Variants in CNTN4 observed in about 807,000 individuals in gnomAD.
CNTN4 encodes contactin-4.
In CNTN4, 77 loss-of-function variants were observed where a neutral mutation model predicts 122.5. That is an observed-to-expected ratio of 0.63 (90% CI 0.52 to 0.76). The LOEUF (loss-of-function observed/expected upper bound fraction) is 0.76, where lower values mean the gene tolerates loss of function less well. CNTN4 is among the 30% of genes least tolerant of loss of function. The pLI, the probability that CNTN4 is intolerant of heterozygous loss-of-function variation, is 0.00. For missense variants in CNTN4, 1,256 were observed against 1,259.1 expected, an observed-to-expected ratio of 1.00 and a Z score of 0.04; for synonymous variants, 512 against 447.0, an observed-to-expected ratio of 1.15 and a Z score of -1.83.
chr3:2,850,928 G>C (rs1387182678), intron 7 of CNTN4, among the ~76,000 whole-genome samples: 2 of 152,120 alleles, frequency 1.3e-5, no homozygotes, highest in Non-Finnish European at 2.9e-5. Flanking sequence ...AGTTGCTGTA[G>C]CAACTAGAAA....
At chr3:2,886,513 CT>C (rs200813621) in intron 9 of CNTN4, among the ~76,000 whole-genome samples, 309 of 136,818 alleles carry the variant, frequency 2.3e-3, no homozygotes, top group African/African-American at 5.2e-3. Flanking sequence ...AGATAGATCA[CT>C]TTTTTTTTTT....
chr3:2,995,800 A>G (rs1167282131), intron 14 of CNTN4, among the ~76,000 whole-genome samples: 2 of 152,160 alleles, frequency 1.3e-5, no homozygotes, highest in Non-Finnish European at 2.9e-5. Flanking sequence ...AGGGATAGAA[A>G]TTGCAATAGA....
chr3:2,671,042 A>C (rs1342999607), intron 4 of CNTN4, among the ~76,000 whole-genome samples: 1 of 151,970 alleles, frequency 6.6e-6, no homozygotes, highest in Non-Finnish European at 1.5e-5. Flanking sequence ...CCTTCATTTC[A>C]ACTTTGGTGA....
intron 6 of CNTN4, among the ~76,000 whole-genome samples, chr3:2,795,115 T>G (rs1342692642): frequency 3.3e-5 from 5 of 152,352 alleles, no homozygotes; most frequent in Non-Finnish European, 5.9e-5. Context: ...TCTGTAAGTT[T>G]TATTATGGTC....
chr3:2,321,712 A>G (rs920121313), intron 2 of CNTN4, among the ~76,000 whole-genome samples: 1 of 152,028 alleles, frequency 6.6e-6, no homozygotes, highest in African/African-American at 2.4e-5. Flanking sequence ...AAACAATTGA[A>G]TTAATACATG....
chr3:2,741,576 C>T (rs186659297), intron 5 of CNTN4, among the ~76,000 whole-genome samples: 368 of 152,300 alleles, frequency 2.4e-3, no homozygotes, highest in South Asian at 9.1e-3. Context: ...TGAATAGTTA[C>T]TCTCCCTAGA....
intron 2 of CNTN4, among the ~76,000 whole-genome samples, chr3:2,258,655 C>T (rs2040697555): frequency 6.6e-6 from 1 of 152,108 alleles, no homozygotes; most frequent in South Asian, 2.1e-4. Flanking sequence ...AATTGCAAAT[C>T]CTGTATTCAA....
rs563128732 is a variant in CNTN4 at position 2,295,970 on chromosome 3, C to T, written c.-144-43208C>T. Among the ~76,000 whole-genome samples, 4 of 152,172 alleles carry T rather than the reference C, an allele frequency of 2.6e-5. No homozygotes were observed. In the East Asian group the frequency reaches 7.7e-4, roughly 29 times the overall value. On this transcript the variant is annotated intron_variant, in intron 2 of 24. Coordinates refer to ENST00000418658, the MANE Select transcript of CNTN4 (RefSeq NM_175607.3). ...CATTTCTTGTTTTTATCAGGTTTGT[C>T]AAAGATCAGATAGTTGTAGATATGC... is the stretch of plus-strand genomic sequence containing the variant.
intron 2 of CNTN4, among the ~76,000 whole-genome samples, chr3:2,236,870 A>C (rs1156371196): frequency 6.6e-6 from 1 of 152,218 alleles, no homozygotes; most frequent in African/African-American, 2.4e-5. Context: ...AAGTAGGGAG[A>C]TAGAATGAGT....
At chr3:2,693,024 C>G (rs2085828081) in intron 4 of CNTN4, among the ~76,000 whole-genome samples, 1 of 152,046 alleles carries the variant, frequency 6.6e-6, no homozygotes, top group Non-Finnish European at 1.5e-5. Context: ...TGAGATGCTA[C>G]CTTCATGATT....
At chr3:2,122,024 C>A (rs2727908) in intron 2 of CNTN4, among the ~76,000 whole-genome samples, 24,361 of 148,426 alleles carry the variant, frequency 0.16, 2,263 homozygotes, top group South Asian at 0.37. Flanking sequence ...GGCGTGGTGG[C>A]GGCGCCTGTA....
At chr3:2,911,805 T>A (rs1397456704) in intron 12 of CNTN4, among the ~76,000 whole-genome samples, 2 of 152,080 alleles carry the variant, frequency 1.3e-5, no homozygotes, top group East Asian at 3.9e-4. Flanking sequence ...GTACTCAATT[T>A]ACTAGAGAGA....
chr3:2,796,299 T>C (rs1014566840), intron 6 of CNTN4, among the ~76,000 whole-genome samples: 1 of 152,112 alleles, frequency 6.6e-6, no homozygotes, highest in Non-Finnish European at 1.5e-5. Flanking sequence ...GGATTATATT[T>C]GAAGGTTTTC....
At chr3:2,540,149 G>A (rs1033246425) in intron 3 of CNTN4, among the ~76,000 whole-genome samples, 17 of 151,910 alleles carry the variant, frequency 1.1e-4, no homozygotes, top group African/African-American at 4.1e-4. Context: ...AATTGGGGTT[G>A]TAAGACCTAT....
chr3:2,178,226 A>G (rs943936093), intron 2 of CNTN4, among the ~76,000 whole-genome samples: 3 of 151,934 alleles, frequency 2.0e-5, no homozygotes, highest in Admixed American at 2.0e-4. Context: ...ATGTCTTTGA[A>G]TTAATATATA....
At position 2,322,852 on chromosome 3, in the gene CNTN4, A is replaced by G. The variant is rs1315125204; in HGVS notation, c.-144-16326A>G. ...TTTAATATTCTAAGATCTTTAAAAT[A>G]GAGGAAAAGTTGCTCTTTTCCTATT... On this transcript the variant is annotated intron_variant, in intron 2 of 24. Transcript: ENST00000418658. Among the ~76,000 whole-genome samples, 5 of 152,134 alleles carry G rather than the reference A, an allele frequency of 3.3e-5. No homozygotes were observed. The East Asian group carries it at 9.6e-4, about 29-fold the overall frequency.
intron 7 of CNTN4, among the ~76,000 whole-genome samples, chr3:2,823,552 G>T (rs530570124): frequency 6.6e-6 from 1 of 152,248 alleles, no homozygotes; most frequent in Non-Finnish European, 1.5e-5. Flanking sequence ...CCAAAAAATA[G>T]AAATCACTTT....
intron 4 of CNTN4, among the ~76,000 whole-genome samples, chr3:2,662,154 T>C (rs1472401342): frequency 1.3e-5 from 2 of 152,224 alleles, no homozygotes; most frequent in East Asian, 3.9e-4. Context: ...ACAGTTATAA[T>C]ACAGTTTAGT....
At chr3:2,199,072 G>A (rs1336650034) in intron 2 of CNTN4, among the ~76,000 whole-genome samples, 1 of 152,176 alleles carries the variant, frequency 6.6e-6, no homozygotes, top group Non-Finnish European at 1.5e-5. Flanking sequence ...AAACATATAA[G>A]CAGTATAATT....
Sources: gnomAD v4.1 joint callset for allele counts (sites outside exome capture counted in the v4.1 genomes callset) on GRCh38, gnomAD v4.1.1 for gene constraint, MANE v1.5 for transcripts, NCBI Gene and HGNC (gene_info 2026-07-23, HGNC 2026-07-21) for gene names.